Variants in SLC1A6 observed in about 807,000 individuals in gnomAD.
The protein encoded by SLC1A6 is excitatory amino acid transporter 4.
SLC1A6 carries 15 observed loss-of-function variants against 42.1 expected under a neutral mutation model. The observed-to-expected ratio is 0.36, with a 90% CI of 0.24 to 0.55. The LOEUF (loss-of-function observed/expected upper bound fraction) is 0.55. SLC1A6 is among the 20% of genes least tolerant of loss of function. SLC1A6 has a pLI of 0.88. For missense variants in SLC1A6, 542 were observed against 772.5 expected (o/e 0.70, Z 3.54); for synonymous variants, 317 against 319.7 (o/e 0.99, Z 0.09).
At chr19:14,965,565 A>G (rs2045564662) in intron 4 of SLC1A6, among the ~76,000 whole-genome samples, 1 of 152,118 alleles carries the variant, frequency 6.6e-6, no homozygotes, top group Admixed American at 6.5e-5. Flanking sequence ...AAAGAATGAA[A>G]TAGGCTGGGT....
intron 1 of SLC1A6, chr19:14,975,123 A>G (rs1400658382): frequency 5.4e-5 from 8 of 148,420 alleles, no homozygotes; most frequent in Non-Finnish European, 1.0e-4. Context: ...AAATAGTAGA[A>G]TTGTATTAGA....
chr19:14,997,192 C>T (rs1281271799), intron 1 of SLC1A6, among the ~76,000 whole-genome samples: 6 of 152,120 alleles, frequency 3.9e-5, no homozygotes, highest in Middle Eastern at 3.2e-3. Context: ...TTTGGAAAGG[C>T]GAATCAGAAA....
chr19:14,950,095 G>T lies in SLC1A6; in HGVS notation c.*100C>A. ...CCCCCCTAAATGAGTCAAGCAGAAC[G>T]TGTGTTCAGCCCACGGTCAGTTGGG... On this transcript the variant is annotated 3_prime_UTR_variant, in exon 10 of 10. Coordinates refer to ENST00000594383, the MANE Select transcript of SLC1A6 (RefSeq NM_005071.3). 1 of 769,960 alleles carries T rather than the reference G, an allele frequency of 1.3e-6. No individual in the cohort carries two copies. The highest frequency in any genetic ancestry group is 2.0e-6 in the Non-Finnish European group (1 of 512,124). The allele number at this position is 769,960 out of a possible 1,614,324, so 47.7% of individuals were successfully genotyped here. A position where few individuals can be genotyped will look rare whatever the true frequency, so the allele number is the denominator to read the frequency against.
chr19:15,002,175 C>T (rs945259767), intron 1 of SLC1A6, among the ~76,000 whole-genome samples: 1 of 152,076 alleles, frequency 6.6e-6, no homozygotes, highest in Non-Finnish European at 1.5e-5. Context: ...CTGCAGCCTC[C>T]ATCTCCTGGG....
chr19:14,954,405 TG>T, intron 7 of SLC1A6, 76 bp from the exon 8 acceptor site: 2 of 1,347,380 alleles, frequency 1.5e-6, no homozygotes, highest in Non-Finnish European at 2.1e-6. Flanking sequence ...TGTGGCCTAG[TG>T]GGGCAGGGCA....
chr19:14,960,197 G>A (rs10401807), intron 6 of SLC1A6, among the ~76,000 whole-genome samples: 77,893 of 152,032 alleles, frequency 0.51, 20,240 homozygotes, highest in South Asian at 0.62. Context: ...CAAGTTAGTA[G>A]CTGAGTGAAC....
At chr19:14,966,138 A>G (rs2045571339) in intron 4 of SLC1A6, among the ~76,000 whole-genome samples, 1 of 152,166 alleles carries the variant, frequency 6.6e-6, no homozygotes, top group African/African-American at 2.4e-5. Flanking sequence ...CCACTATATA[A>G]TTCATCCATG....
At chr19:14,973,752 A>G (rs564617289) in intron 1 of SLC1A6, 9 of 152,384 alleles carry the variant, frequency 5.9e-5, no homozygotes, top group Non-Finnish European at 1.3e-4. Context: ...CTAGTCCCCC[A>G]AATTAGGACG....
chr19:14,966,422 T>C (rs928918911), intron 4 of SLC1A6, among the ~76,000 whole-genome samples: 1 of 152,048 alleles, frequency 6.6e-6, no homozygotes, highest in African/African-American at 2.4e-5. Context: ...GAGGCGGAGG[T>C]TGCAGTGAGC....
rs763203649 is a variant in SLC1A6 at position 14,956,580 on chromosome 19, G to A, written c.1065C>T (p.Gly355=). The A allele has an allele frequency of 1.4e-5, 23 of 1,613,826 alleles. No homozygotes were observed. The highest frequency in any genetic ancestry group is 1.6e-4 in the Middle Eastern group (1 of 6,082). The stretch of plus-strand genomic sequence containing the variant: ...GGAAGTAGATGAGGGGAAGGACAAT[G>A]CCGGCATGGAGGAACAGGCCCACGA... ...TVIVGLFLHA[G]IVLPLIYFLV... Residue 355 remains glycine, a synonymous_variant, in exon 7 of 10, where the codon GGC becomes GGT. Coordinates refer to ENST00000594383, the MANE Select transcript of SLC1A6 (RefSeq NM_005071.3).
chr19:14,958,237 C>A (rs1332698625), intron 6 of SLC1A6, among the ~76,000 whole-genome samples: 4 of 151,920 alleles, frequency 2.6e-5, no homozygotes, highest in Non-Finnish European at 2.9e-5. Flanking sequence ...ATGGTGAAAT[C>A]CCATCTCTAT....
chr19:15,003,031 C>A (rs1374915759), intron 1 of SLC1A6, among the ~76,000 whole-genome samples: 1 of 151,926 alleles, frequency 6.6e-6, no homozygotes, highest in Non-Finnish European at 1.5e-5. Context: ...CAGGCTAGAG[C>A]ACAGTGGCAC....
chr19:14,952,816 T>C, intron 9 of SLC1A6, 112 bp downstream of exon 9: 10 of 1,358,594 alleles, frequency 7.4e-6, no homozygotes, highest in Non-Finnish European at 8.8e-6. Flanking sequence ...ACTTGAAAAT[T>C]CTGGACCACT....
At chr19:14,990,787 A>AC (rs2045815988) in intron 1 of SLC1A6, among the ~76,000 whole-genome samples, 1 of 78,536 alleles carries the variant, frequency 1.3e-5, no homozygotes, top group South Asian at 3.7e-4. Flanking sequence ...AAAACAAAAC[A>AC]AAAAAAAAAA....
chr19:15,010,573 C>T (rs2045921951), exon 1 of SLC1A6: 2 of 656,894 alleles, frequency 3.0e-6, no homozygotes. Context: ...GAAGCAACGG[C>T]GAGAAGGATG....
chr19:14,995,180 C>G (rs1329590749), intron 1 of SLC1A6, among the ~76,000 whole-genome samples: 1 of 151,844 alleles, frequency 6.6e-6, no homozygotes, highest in African/African-American at 2.4e-5. Context: ...CAAAAATTAG[C>G]TAGGCATGGT....
At chr19:14,977,679 G>A (rs1216460700) in intron 1 of SLC1A6, 1 of 152,208 alleles carries the variant, frequency 6.6e-6, no homozygotes, top group African/African-American at 2.4e-5. Flanking sequence ...CACTCAAGAG[G>A]CTAAAGCAGG....
At chr19:14,954,881 T>C (rs1203486595) in intron 7 of SLC1A6, among the ~76,000 whole-genome samples, 1 of 152,138 alleles carries the variant, frequency 6.6e-6, no homozygotes, top group Non-Finnish European at 1.5e-5. Flanking sequence ...ATGGCAGTAG[T>C]TCGTTCTACC....
chr19:14,955,045 T>C (rs559930188), intron 7 of SLC1A6, among the ~76,000 whole-genome samples: 17 of 152,276 alleles, frequency 1.1e-4, no homozygotes, highest in Middle Eastern at 6.8e-3. Context: ...AGTGACCTAA[T>C]TGATTGGCGA....
Sources: allele counts gnomAD v4.1 joint callset (sites outside exome capture counted in the v4.1 genomes callset), GRCh38; gene constraint gnomAD v4.1.1; transcripts MANE v1.5; gene names NCBI Gene and HGNC (gene_info 2026-07-23, HGNC 2026-07-21).